Variants in MLLT3 observed in about 807,000 individuals in gnomAD.
MLLT3 encodes MLLT3 super elongation complex subunit, also known as protein AF-9.
Under a neutral mutation model 53.2 loss-of-function variants are expected in MLLT3, and 4 were observed. That is an observed-to-expected ratio of 0.08 (90% confidence interval 0.04 to 0.17). The LOEUF (loss-of-function observed/expected upper bound fraction) is 0.17. MLLT3 is among the 10% of genes least tolerant of loss of function. The pLI, the probability that MLLT3 is intolerant of heterozygous loss-of-function variation, is 1.00. For missense variants in MLLT3, 569 were observed against 684.0 expected (o/e 0.83, Z 1.87); for synonymous variants, 283 against 230.6 (o/e 1.23, Z -2.06).
chr9:20,394,281 CGGAGGCAG>C (rs1404268983), intron 5 of MLLT3, among the ~76,000 whole-genome samples: 8 of 152,056 alleles, frequency 5.3e-5, no homozygotes, highest in Admixed American at 5.2e-4. Flanking sequence ...TTGCCACTTA[CGGAGGCAG>C]GGAGGCAGAG....
At chr9:20,531,956 T>C (rs1250108855) in intron 2 of MLLT3, among the ~76,000 whole-genome samples, 1 of 152,054 alleles carries the variant, frequency 6.6e-6, no homozygotes, top group Non-Finnish European at 1.5e-5. Context: ...TAGTTTAGAC[T>C]AAATAACAAA....
chr9:20,433,787 C>T (rs550416695), intron 4 of MLLT3, among the ~76,000 whole-genome samples: 5 of 152,148 alleles, frequency 3.3e-5, no homozygotes, highest in South Asian at 2.1e-4. Flanking sequence ...CTAAATGCTA[C>T]GTATGATTGT....
rs767180736 is a variant in MLLT3 at position 20,414,342 on chromosome 9, G to GCTA, written c.501_503dup (p.Ser190dup). On this transcript the variant is annotated inframe_insertion, in exon 5 of 11. Transcript: ENST00000380338. ...TGCTGCTGCTGCTGCTGCTGCTGCT[G>GCTA]CTACTGCTGCTGCTGCTGCTGCTGC... 4 of 1,580,838 alleles carry GCTA rather than the reference G, an allele frequency of 2.5e-6. No homozygotes were observed. Among genetic ancestry groups the GCTA allele is most frequent in the Non-Finnish European group, 3.5e-6 (4 of 1,158,736 alleles).
At chr9:20,596,557 G>T (rs1260267522) in intron 2 of MLLT3, among the ~76,000 whole-genome samples, 3 of 152,148 alleles carry the variant, frequency 2.0e-5, no homozygotes, top group African/African-American at 7.2e-5. Context: ...TGGGCATGGT[G>T]GTGCATGCCT....
At chr9:20,379,186 C>A (rs571366559) in intron 5 of MLLT3, among the ~76,000 whole-genome samples, 3 of 152,134 alleles carry the variant, frequency 2.0e-5, no homozygotes, top group African/African-American at 7.2e-5. Context: ...GGGGCAAGAA[C>A]CTTTAACATC....
In MLLT3 at chr9:20,342,986, G is replaced by C. The variant is rs993764612; in HGVS notation, c.*3457C>G. On this transcript the variant is annotated 3_prime_UTR_variant, in exon 11 of 11. Transcript: ENST00000380338. ...AAAAATAAACACGAGCCACCAAACA[G>C]ACACTGACTGTTTCCAACACTGGAC... 2 of 192,074 alleles carry C rather than the reference G, an allele frequency of 1.0e-5. No individual in the cohort carries two copies. Among genetic ancestry groups the C allele is most frequent in the African/African-American group, 4.7e-5 (2 of 42,634 alleles). 11.9% of individuals were successfully genotyped at this position (192,074 alleles called of 1,614,324 possible).
Position 20,621,861 on chromosome 9 carries a change from G to T in MLLT3, c.12+384C>A, listed in dbSNP as rs1279718952. ...ACTGTGCCCGCAGCTCCCGGCGGCG[G>T]CGGCTGAAATATGGCTGAGTTATTA... On this transcript the variant is annotated intron_variant, in intron 1 of 10. Coordinates refer to ENST00000380338, the MANE Select transcript of MLLT3 (RefSeq NM_004529.4). This position sits in a 1 kb window ranked among gnomAD's most constrained non-coding sequence, Gnocchi z 7.0. 1.4e-6 allele frequency: 2 copies of T among 1,382,138 alleles called. No individual in the cohort carries two copies. Among genetic ancestry groups the T allele is most frequent in the Middle Eastern group, 3.7e-4 (2 of 5,346 alleles). 85.6% of individuals were successfully genotyped at this position (1,382,138 alleles called of 1,614,324 possible). A position where few individuals can be genotyped will look rare whatever the true frequency, so the allele number is the denominator to read the frequency against.
At chr9:20,597,165 T>C (rs1256162017) in intron 2 of MLLT3, among the ~76,000 whole-genome samples, 3 of 152,096 alleles carry the variant, frequency 2.0e-5, no homozygotes, top group African/African-American at 7.2e-5. Context: ...ATTCATCCAT[T>C]ATGGGGATAG....
chr9:20,490,389 G>A (rs146198793), intron 2 of MLLT3, among the ~76,000 whole-genome samples: 1 of 152,250 alleles, frequency 6.6e-6, no homozygotes, highest in East Asian at 1.9e-4. Context: ...AGCATGAGAA[G>A]AATTTGTCAC....
chr9:20,375,941 T>G (rs1344313929), intron 5 of MLLT3, among the ~76,000 whole-genome samples: 1 of 152,126 alleles, frequency 6.6e-6, no homozygotes, highest in African/African-American at 2.4e-5. Context: ...ACAGGGAAGT[T>G]TCTTCTCTGA....
intron 4 of MLLT3, among the ~76,000 whole-genome samples, chr9:20,421,217 T>C (rs190444676): frequency 8.6e-4 from 131 of 152,128 alleles, no homozygotes; most frequent in African/African-American, 3.0e-3. Context: ...TGAGCCAAGA[T>C]TGCGCCACTG....
chr9:20,351,971 G>C (rs1283159145), intron 10 of MLLT3, among the ~76,000 whole-genome samples: 1 of 152,194 alleles, frequency 6.6e-6, no homozygotes, highest in Non-Finnish European at 1.5e-5. Flanking sequence ...GAAATGCTGT[G>C]TGCCCTGGAG....
chr9:20,601,923 G>A (rs1444642439), intron 2 of MLLT3, among the ~76,000 whole-genome samples: 1 of 152,000 alleles, frequency 6.6e-6, no homozygotes, highest in Non-Finnish European at 1.5e-5. Context: ...AATTCCTCTG[G>A]CTCTTTGATA....
At chr9:20,608,777 T>C (rs1820631496) in intron 2 of MLLT3, among the ~76,000 whole-genome samples, 1 of 152,038 alleles carries the variant, frequency 6.6e-6, no homozygotes, top group South Asian at 2.1e-4. Flanking sequence ...TACATTTAAA[T>C]ACTAGTTTTA....
At position 20,448,291 on chromosome 9, in the gene MLLT3, A is replaced by G. The variant is rs767910751; in HGVS notation, c.277-25T>C. The G allele has an allele frequency of 6.2e-6, 10 of 1,607,308 alleles. No individual in the cohort carries two copies. The highest frequency in any genetic ancestry group is 6.8e-6 in the Non-Finnish European group (8 of 1,177,478). ...CCTGGAGGTTAACAAAAATTATGAA[A>G]GAAAAAAGAGAGTGAGGCATAAGTG... On this transcript the variant is annotated intron_variant, in intron 3 of 10. Coordinates refer to ENST00000380338, the MANE Select transcript of MLLT3 (RefSeq NM_004529.4). This position sits in a 1 kb window ranked among gnomAD's most constrained non-coding sequence, Gnocchi z 4.0.
intron 2 of MLLT3, among the ~76,000 whole-genome samples, chr9:20,564,542 A>G (rs1300052916): frequency 3.9e-5 from 6 of 152,326 alleles, no homozygotes; most frequent in East Asian, 3.9e-4. Context: ...TTCAAAGTAC[A>G]TAAGCTTCCC....
At chr9:20,461,693 G>C (rs916297133) in intron 2 of MLLT3, among the ~76,000 whole-genome samples, 8 of 152,002 alleles carry the variant, frequency 5.3e-5, no homozygotes, top group African/African-American at 1.9e-4. Context: ...AGTATTATTA[G>C]GCAACAGTTT....
chr9:20,423,939 A>T (rs181283495), intron 4 of MLLT3, among the ~76,000 whole-genome samples: 14 of 152,256 alleles, frequency 9.2e-5, no homozygotes, highest in Admixed American at 6.5e-4. Context: ...ATCTCCAAAG[A>T]AAAGAAAATA....
chr9:20,440,700 G>C (rs1392617375), intron 4 of MLLT3, among the ~76,000 whole-genome samples: 2 of 152,114 alleles, frequency 1.3e-5, no homozygotes, highest in Non-Finnish European at 2.9e-5. Flanking sequence ...AGACGAAATA[G>C]AGAAACAGAA....
Sources: gnomAD v4.1 joint callset for allele counts (sites outside exome capture counted in the v4.1 genomes callset) on GRCh38, gnomAD v4.1.1 for gene constraint, Gnocchi (gnomAD v3.1) non-coding constraint, MANE v1.5 for transcripts, NCBI Gene and HGNC (gene_info 2026-07-23, HGNC 2026-07-21) for gene names.